GRIK2: variants seen among roughly 807,000 people sequenced by gnomAD.
GRIK2 encodes the protein glutamate ionotropic receptor kainate type subunit 2.
In GRIK2, 32 loss-of-function variants were observed where a neutral mutation model predicts 100.3. The observed-to-expected ratio is 0.32, with a 90% CI of 0.24 to 0.43. The LOEUF (loss-of-function observed/expected upper bound fraction) is 0.43. GRIK2 is among the 20% of genes least tolerant of loss of function. The pLI, the probability that GRIK2 is intolerant of heterozygous loss-of-function variation, is 1.00. For missense variants in GRIK2, 843 were observed against 1,114.9 expected, an observed-to-expected ratio of 0.76 and a Z score of 3.47; for synonymous variants, 417 against 389.4, an observed-to-expected ratio of 1.07 and a Z score of -0.83.
At chr6:101,595,326 A>G (rs1020214254) in intron 2 of GRIK2, among the ~76,000 whole-genome samples, 1 of 151,588 alleles carries the variant, frequency 6.6e-6, no homozygotes, top group African/African-American at 2.4e-5. Context: ...ATTTGGGGGT[A>G]TATGGTTTGT....
intron 7 of GRIK2, among the ~76,000 whole-genome samples, chr6:101,700,888 T>A (rs1772844963): frequency 6.6e-6 from 1 of 152,122 alleles, no homozygotes; most frequent in Non-Finnish European, 1.5e-5. Context: ...AATGGGAAGA[T>A]CTTTTTGAGA....
chr6:101,820,710 C>T (rs971867911), intron 10 of GRIK2, among the ~76,000 whole-genome samples: 5 of 152,074 alleles, frequency 3.3e-5, no homozygotes, highest in Non-Finnish European at 5.9e-5. Context: ...CCAAAGTGTT[C>T]GGATTATAGG....
intron 14 of GRIK2, among the ~76,000 whole-genome samples, chr6:102,017,816 A>G (rs1293093702): frequency 1.3e-5 from 2 of 152,118 alleles, no homozygotes; most frequent in Non-Finnish European, 2.9e-5. Context: ...CCCGTCTACT[A>G]CTAAAACCAT....
At chr6:101,775,703 A>G (rs993760193) in intron 7 of GRIK2, among the ~76,000 whole-genome samples, 2 of 151,756 alleles carry the variant, frequency 1.3e-5, no homozygotes, top group African/African-American at 2.4e-5. Context: ...GAGGTAATAC[A>G]TTCTAGCTGT....
At chr6:101,499,881 T>C (rs977684496) in intron 2 of GRIK2, among the ~76,000 whole-genome samples, 3 of 152,172 alleles carry the variant, frequency 2.0e-5, no homozygotes, top group African/African-American at 4.8e-5. Context: ...TTTACTTTCT[T>C]AATCAGTTAA....
At chr6:101,659,227 A>T (rs1165807699) in intron 4 of GRIK2, among the ~76,000 whole-genome samples, 1 of 152,222 alleles carries the variant, frequency 6.6e-6, no homozygotes, top group African/African-American at 2.4e-5. Context: ...AGTTTTCTGC[A>T]TATGACCAGC....
At chr6:101,804,205 A>G (rs984339489) in intron 9 of GRIK2, among the ~76,000 whole-genome samples, 5 of 151,966 alleles carry the variant, frequency 3.3e-5, no homozygotes, top group African/African-American at 1.2e-4. Context: ...ATTGTTAGAA[A>G]ATCAGTCATT....
At chr6:101,469,308 G>C (rs921681906) in intron 2 of GRIK2, among the ~76,000 whole-genome samples, 6 of 152,102 alleles carry the variant, frequency 3.9e-5, no homozygotes, top group Non-Finnish European at 7.4e-5. Context: ...TTACTGGCAT[G>C]CAAGAGAAGA....
At chr6:101,964,600 C>A (rs1306179346) in intron 14 of GRIK2, among the ~76,000 whole-genome samples, 3 of 152,132 alleles carry the variant, frequency 2.0e-5, no homozygotes, top group African/African-American at 4.8e-5. Flanking sequence ...TTGGAAGATG[C>A]CCTTGTGGCT....
At chr6:101,777,666 A>G (rs1450906531) in intron 7 of GRIK2, among the ~76,000 whole-genome samples, 2 of 152,144 alleles carry the variant, frequency 1.3e-5, no homozygotes, top group East Asian at 1.9e-4. Flanking sequence ...CTTCTATTCT[A>G]TTTATTAGAC....
chr6:101,928,926 CA>C (rs1194940640), intron 14 of GRIK2, among the ~76,000 whole-genome samples: 2 of 152,034 alleles, frequency 1.3e-5, no homozygotes, highest in South Asian at 2.1e-4. Context: ...TTGAATAAAA[CA>C]AAATGTATTT....
chr6:101,621,377 C>A (rs1321879885), intron 2 of GRIK2, among the ~76,000 whole-genome samples: 1 of 151,918 alleles, frequency 6.6e-6, no homozygotes, highest in Non-Finnish European at 1.5e-5. Flanking sequence ...CACCTGAGCC[C>A]AAGGAGGTCA....
chr6:101,986,476 G>T (rs1794022105), intron 14 of GRIK2, among the ~76,000 whole-genome samples: 1 of 151,810 alleles, frequency 6.6e-6, no homozygotes, highest in African/African-American at 2.4e-5. Context: ...TAGTTTGAAC[G>T]TGACAGCTCT....
At chr6:101,471,327 G>T (rs1309139916) in intron 2 of GRIK2, among the ~76,000 whole-genome samples, 4 of 151,898 alleles carry the variant, frequency 2.6e-5, no homozygotes, top group Non-Finnish European at 5.9e-5. Flanking sequence ...ATGCTATTGG[G>T]TCAATAATTT....
intron 7 of GRIK2, among the ~76,000 whole-genome samples, chr6:101,698,865 G>T (rs745646936): frequency 6.6e-6 from 1 of 152,078 alleles, no homozygotes; most frequent in Non-Finnish European, 1.5e-5. Flanking sequence ...TCTACTTTTT[G>T]TTTAGGATAT....
chr6:101,464,380 T>C (rs1771501441), intron 2 of GRIK2, among the ~76,000 whole-genome samples: 1 of 152,108 alleles, frequency 6.6e-6, no homozygotes, highest in African/African-American at 2.4e-5. Context: ...ATTTTAGGCA[T>C]TTTTTATAGT....
intron 7 of GRIK2, among the ~76,000 whole-genome samples, chr6:101,795,738 C>G (rs576883872): frequency 9.8e-5 from 15 of 152,294 alleles, no homozygotes; most frequent in African/African-American, 3.6e-4. Flanking sequence ...CAAGGCAGGG[C>G]TGTTCTCAGG....
At chr6:101,638,701 G>C (rs547370049) in intron 4 of GRIK2, among the ~76,000 whole-genome samples, 2,855 of 152,118 alleles carry the variant, frequency 0.019, 45 homozygotes, top group Non-Finnish European at 0.028. Flanking sequence ...TGTGTATGTA[G>C]ATCTGTAGAT....
chr6:101,981,393 C>A (rs770900809), intron 14 of GRIK2, among the ~76,000 whole-genome samples: 1 of 151,732 alleles, frequency 6.6e-6, no homozygotes, highest in Non-Finnish European at 1.5e-5. Context: ...AGGGATGTGG[C>A]AATTTAAAAG....
Sources: gnomAD v4.1 joint callset for allele counts (sites outside exome capture counted in the v4.1 genomes callset) on GRCh38, gnomAD v4.1.1 for gene constraint, MANE v1.5 for transcripts, NCBI Gene and HGNC (gene_info 2026-07-23, HGNC 2026-07-21) for gene names.